The following CSMD3 variants were observed in gnomAD, a reference collection of about 807,000 sequenced individuals.
CSMD3 encodes CUB and sushi domain-containing protein 3.
In CSMD3, 177 loss-of-function variants were observed where a neutral mutation model predicts 435.2. The ratio of observed to expected loss-of-function variants is 0.41; its 90% CI spans 0.36 to 0.46. The LOEUF (loss-of-function observed/expected upper bound fraction) is 0.46. CSMD3 is among the 20% of genes least tolerant of loss of function. The pLI is 0.34. For missense variants in CSMD3, 4,265 were observed against 4,504.6 expected, an observed-to-expected ratio of 0.95 and a Z score of 1.52; for synonymous variants, 1,656 against 1,520.5, an observed-to-expected ratio of 1.09 and a Z score of -2.07.
At chr8:112,683,439 G>A (rs1053955363) in intron 15 of CSMD3, among the ~76,000 whole-genome samples, 6 of 151,934 alleles carry the variant, frequency 3.9e-5, no homozygotes, top group African/African-American at 1.4e-4. Flanking sequence ...TATCTCAGGA[G>A]AACAGGAGTT....
chr8:112,891,091 G>A (rs1289489891), intron 10 of CSMD3, among the ~76,000 whole-genome samples: 1 of 151,560 alleles, frequency 6.6e-6, no homozygotes, highest in Non-Finnish European at 1.5e-5. Context: ...TTTACATCAA[G>A]AGAATTTGTT....
chr8:112,960,920 AT>A (rs938042423), intron 7 of CSMD3, among the ~76,000 whole-genome samples: 2 of 151,696 alleles, frequency 1.3e-5, no homozygotes, highest in African/African-American at 4.8e-5. Context: ...CAGCCAATAC[AT>A]TTTTTTAAAT....
chr8:113,089,218 T>A (rs1238763231), intron 5 of CSMD3, among the ~76,000 whole-genome samples: 1 of 152,172 alleles, frequency 6.6e-6, no homozygotes, highest in South Asian at 2.1e-4. Flanking sequence ...CACTCTTGGT[T>A]TTCCTCTTTT....
chr8:112,580,866 T>C (rs965768090), intron 23 of CSMD3, among the ~76,000 whole-genome samples: 1 of 152,106 alleles, frequency 6.6e-6, no homozygotes, highest in African/African-American at 2.4e-5. Flanking sequence ...TGCCAAAATA[T>C]GTGCAGACGT....
intron 18 of CSMD3, among the ~76,000 whole-genome samples, chr8:112,653,238 A>T (rs527713889): frequency 3.3e-5 from 5 of 152,286 alleles, no homozygotes; most frequent in African/African-American, 1.2e-4. Flanking sequence ...TTGTTTTTTT[A>T]AAAAGTAGAA....
chr8:113,207,372 A>T (rs1047043476), intron 3 of CSMD3, among the ~76,000 whole-genome samples: 9 of 149,334 alleles, frequency 6.0e-5, no homozygotes, highest in Non-Finnish European at 8.9e-5. Flanking sequence ...TATAATAAAC[A>T]TCAATTATTT....
At chr8:112,877,081 A>G (rs1564056329) in intron 10 of CSMD3, among the ~76,000 whole-genome samples, 1 of 152,152 alleles carries the variant, frequency 6.6e-6, no homozygotes, top group African/African-American at 2.4e-5. Flanking sequence ...AAGGAGAACT[A>G]CAAACCACTG....
chr8:112,639,360 T>C (rs1210564253), intron 20 of CSMD3, among the ~76,000 whole-genome samples: 1 of 152,148 alleles, frequency 6.6e-6, no homozygotes, highest in African/African-American at 2.4e-5. Flanking sequence ...AAGAGAAATA[T>C]AAAACAGGCA....
At position 112,867,427 on chromosome 8, in the gene CSMD3, A is replaced by G. The variant is rs186794839; in HGVS notation, c.1634-8161T>C. Among the ~76,000 whole-genome samples, 2 of 152,276 alleles carry G rather than the reference A, an allele frequency of 1.3e-5. 1 individual carries two copies. The highest frequency in any genetic ancestry group is 1.3e-4 in the Admixed American group (2 of 15,284). On this transcript the variant is annotated intron_variant, in intron 10 of 70. Coordinates refer to ENST00000297405, the MANE Select transcript of CSMD3 (RefSeq NM_198123.2). Reference sequence around the variant, plus strand: ...TCAAACTTCGTTCATGCGTTGCTTAATGATGGAGGTACATTCTGAGAAACG... The same window carrying G: ...TCAAACTTCGTTCATGCGTTGCTTAGTGATGGAGGTACATTCTGAGAAACG...
intron 31 of CSMD3, among the ~76,000 whole-genome samples, chr8:112,477,123 T>G (rs748483793): frequency 9.2e-5 from 14 of 152,184 alleles, no homozygotes; most frequent in Admixed American, 3.3e-4. Context: ...TTGGTTGAAA[T>G]TATCTCAGAA....
intron 6 of CSMD3, among the ~76,000 whole-genome samples, chr8:112,992,789 C>CTG (rs1457050424): frequency 1.3e-5 from 2 of 150,774 alleles, no homozygotes; most frequent in African/African-American, 2.4e-5. Flanking sequence ...GTTTGTGTGC[C>CTG]TGTGTGTGTG....
intron 2 of CSMD3, 174 bp downstream of exon 2, chr8:113,314,397 A>G: frequency 1.6e-6 from 1 of 607,974 alleles, no homozygotes; most frequent in Non-Finnish European, 2.9e-6. Flanking sequence ...ATATGACATC[A>G]GAGACACCAA....
At chr8:112,726,958 A>G (rs570388290) in intron 13 of CSMD3, among the ~76,000 whole-genome samples, 5 of 151,956 alleles carry the variant, frequency 3.3e-5, no homozygotes, top group East Asian at 1.9e-4. Flanking sequence ...TTATTTCTCA[A>G]TATAGTTCAT....
At chr8:113,088,631 G>A (rs1452104783) in intron 5 of CSMD3, among the ~76,000 whole-genome samples, 1 of 148,206 alleles carries the variant, frequency 6.7e-6, no homozygotes. Context: ...AACACCGCAT[G>A]TTCTCACTCA....
chr8:113,392,063 G>A (rs376078819), intron 1 of CSMD3, among the ~76,000 whole-genome samples: 11 of 152,038 alleles, frequency 7.2e-5, no homozygotes, highest in African/African-American at 2.6e-4. Context: ...CTTAATGATT[G>A]ACAAAACCAG....
chr8:112,653,659 T>C (rs1262714388), intron 18 of CSMD3, among the ~76,000 whole-genome samples: 2 of 140,914 alleles, frequency 1.4e-5, no homozygotes, highest in Admixed American at 7.3e-5. Flanking sequence ...AATAATCTTA[T>C]CTTTTTTTTT....
chr8:112,304,682 C>T (rs1821250569), intron 52 of CSMD3, 39 bp downstream of exon 52: 1 of 1,472,894 alleles, frequency 6.8e-7, no homozygotes, highest in African/African-American at 1.4e-5. Flanking sequence ...GATAACCAAA[C>T]ATAGCTTATG....
chr8:112,249,647 T>G (rs1268582539), intron 63 of CSMD3, among the ~76,000 whole-genome samples: 2 of 152,118 alleles, frequency 1.3e-5, no homozygotes, highest in Admixed American at 6.6e-5. Flanking sequence ...TGAGCTAACA[T>G]GACAAAGGCC....
intron 3 of CSMD3, among the ~76,000 whole-genome samples, chr8:113,239,369 T>C (rs1316314451): frequency 6.6e-6 from 1 of 152,072 alleles, no homozygotes; most frequent in African/African-American, 2.4e-5. Context: ...TATTTTTAAT[T>C]TTGCATATTT....
Sources: allele counts gnomAD v4.1 joint callset (sites outside exome capture counted in the v4.1 genomes callset), GRCh38; gene constraint gnomAD v4.1.1; transcripts MANE v1.5; gene names NCBI Gene and HGNC (gene_info 2026-07-23, HGNC 2026-07-21).